The following RGS7 variants were observed in gnomAD, a reference collection of about 807,000 sequenced individuals.
RGS7 encodes the protein regulator of G-protein signaling 7.
A neutral mutation model predicts 81.1 loss-of-function variants in RGS7; 27 were observed. The observed-to-expected ratio is 0.33, with a 90% CI of 0.25 to 0.46. The LOEUF (loss-of-function observed/expected upper bound fraction) is 0.46. Among genes scored for constraint, RGS7 ranks in the 20% least tolerant of loss-of-function variants. RGS7 has a pLI of 1.00. For missense variants in RGS7, 396 were observed against 607.4 expected (o/e 0.65, Z 3.66); for synonymous variants, 208 against 207.7 (o/e 1.00, Z -0.01).
intron 2 of RGS7, among the ~76,000 whole-genome samples, chr1:241,231,174 G>C (rs534895348): frequency 6.6e-6 from 1 of 152,186 alleles, no homozygotes; most frequent in African/African-American, 2.4e-5. Flanking sequence ...TGTGAAACTG[G>C]GCAAGAGATG....
chr1:241,176,487 C>A, intron 2 of RGS7, among the ~76,000 whole-genome samples: 1 of 152,140 alleles, frequency 6.6e-6, no homozygotes, highest in Middle Eastern at 3.4e-3. Flanking sequence ...ACTCCCTCTA[C>A]ACTCATTTTA....
rs141482630 is a variant in RGS7, at chr1:240,976,350, A to G, written c.226+6729T>C. ...ATGGGGTGGACTGTCAACAGAAGACATTAGTGGTGGATGCTATGCTTCTTA... is the reference window on the plus strand; with the variant it reads ...ATGGGGTGGACTGTCAACAGAAGACGTTAGTGGTGGATGCTATGCTTCTTA... On this transcript the variant is annotated intron_variant, in intron 4 of 18. Coordinates refer to ENST00000440928, the MANE Select transcript of RGS7 (RefSeq NM_001364886.1). Among the ~76,000 whole-genome samples the G allele has an allele frequency of 8.5e-4, 130 of 152,304 alleles. 1 individual carries two copies. Among genetic ancestry groups the G allele is most frequent in the African/African-American group, 2.8e-3 (115 of 41,568 alleles).
chr1:240,907,836 G>T (rs892806371), intron 6 of RGS7, among the ~76,000 whole-genome samples: 1 of 152,100 alleles, frequency 6.6e-6, no homozygotes, highest in Non-Finnish European at 1.5e-5. Context: ...GAAACATGGC[G>T]TCTTGTCGGC....
chr1:240,781,605 CAACA>C (rs904052630), intron 18 of RGS7, among the ~76,000 whole-genome samples: 13 of 152,056 alleles, frequency 8.5e-5, no homozygotes, highest in Admixed American at 2.6e-4. Flanking sequence ...GACTCTGTCT[CAACA>C]AACAAACAAA....
At chr1:241,104,390 T>C (rs1241597867) in intron 2 of RGS7, among the ~76,000 whole-genome samples, 1 of 152,188 alleles carries the variant, frequency 6.6e-6, no homozygotes, top group Non-Finnish European at 1.5e-5. Context: ...ACTGAGTTCA[T>C]GTTGGCCCCT....
At chr1:241,087,985 TATATATATATACACACACACAC>T (rs1421853888) in intron 3 of RGS7, among the ~76,000 whole-genome samples, 3 of 99,166 alleles carry the variant, frequency 3.0e-5, no homozygotes, top group African/African-American at 1.2e-4. Flanking sequence ...TCTATATATA[TATATATATATACACACACACAC>T]ATATATATAT....
At chr1:240,862,243 G>A (rs1042326035) in intron 9 of RGS7, among the ~76,000 whole-genome samples, 5 of 151,874 alleles carry the variant, frequency 3.3e-5, no homozygotes, top group South Asian at 2.1e-4. Context: ...GTGTCAATCC[G>A]ACCTAAAAGT....
intron 3 of RGS7, among the ~76,000 whole-genome samples, chr1:241,003,293 C>T (rs1047286216): frequency 6.6e-6 from 1 of 151,942 alleles, no homozygotes; most frequent in Non-Finnish European, 1.5e-5. Context: ...AACCCTGTCT[C>T]TACTAAAAAT....
chr1:241,176,141 T>C (rs980241806), intron 2 of RGS7, among the ~76,000 whole-genome samples: 2 of 152,176 alleles, frequency 1.3e-5, no homozygotes, highest in African/African-American at 4.8e-5. Flanking sequence ...AGATGCAGCC[T>C]GCTCCCAGGT....
rs115260105 is a variant in RGS7, at chr1:240,971,452, T to C, written c.226+11627A>G. Among the ~76,000 whole-genome samples, 491 of 152,272 alleles carry C rather than the reference T, an allele frequency of 3.2e-3. 2 individuals carry two copies. The highest frequency in any genetic ancestry group is 0.011 in the African/African-American group (476 of 41,548). ...TGAAATGAATACACAAAGAAAACTA[T>C]AGTTCTTGCTCATCTCACATGAAAT... On this transcript the variant is annotated intron_variant, in intron 4 of 18. Transcript: ENST00000440928.
At chr1:241,337,262 A>T (rs2082295430) in intron 2 of RGS7, among the ~76,000 whole-genome samples, 1 of 152,078 alleles carries the variant, frequency 6.6e-6, no homozygotes, top group African/African-American at 2.4e-5. Context: ...TCCTTGTATC[A>T]TCCTTAGTTC....
At chr1:240,989,204 C>A (rs945463456) in intron 3 of RGS7, among the ~76,000 whole-genome samples, 10 of 151,746 alleles carry the variant, frequency 6.6e-5, no homozygotes, top group Admixed American at 2.0e-4. Context: ...TGTTGGGGGG[C>A]CGAGGCAGGT....
chr1:240,942,566 C>T (rs1677775496), intron 4 of RGS7, among the ~76,000 whole-genome samples: 1 of 151,922 alleles, frequency 6.6e-6, no homozygotes, highest in Non-Finnish European at 1.5e-5. Context: ...ATTTCCAACA[C>T]AGTATAAGTA....
At chr1:241,080,786 A>G (rs1483736416) in intron 3 of RGS7, among the ~76,000 whole-genome samples, 2 of 152,240 alleles carry the variant, frequency 1.3e-5, no homozygotes, top group Non-Finnish European at 2.9e-5. Context: ...TTTTAATTAC[A>G]TAGGCTAAGT....
intron 3 of RGS7, among the ~76,000 whole-genome samples, chr1:241,058,175 T>C (rs76733780): frequency 6.6e-6 from 1 of 152,280 alleles, no homozygotes; most frequent in East Asian, 1.9e-4. Context: ...AACATGTGCA[T>C]TAAGAGGCAA....
intron 2 of RGS7, among the ~76,000 whole-genome samples, chr1:241,103,152 T>C (rs2064880745): frequency 6.6e-6 from 1 of 152,184 alleles, no homozygotes; most frequent in African/African-American, 2.4e-5. Context: ...CCCATATATA[T>C]ATGTATGTGT....
Position 241,248,630 on chromosome 1 carries a change from T to C in RGS7, c.78+107069A>G, listed in dbSNP as rs73122028. Among the ~76,000 whole-genome samples, 303 of 152,090 alleles carry C rather than the reference T, an allele frequency of 2.0e-3. 2 individuals carry two copies. Among genetic ancestry groups the C allele is most frequent in the African/African-American group, 6.9e-3 (285 of 41,508 alleles). ...TATTTTTTTTAAAATTTCTTCTATC[T>C]CCTCCACTGCATTTTAAGCTACATC... On this transcript the variant is annotated intron_variant, in intron 2 of 18. Coordinates refer to ENST00000440928, the MANE Select transcript of RGS7 (RefSeq NM_001364886.1).
At chr1:240,983,326 G>A (rs1467913125) in intron 3 of RGS7, among the ~76,000 whole-genome samples, 197 bp from the exon 4 acceptor site, 1 of 151,992 alleles carries the variant, frequency 6.6e-6, no homozygotes, top group African/African-American at 2.4e-5. Flanking sequence ...AATAAACCAA[G>A]GTGTAAACTA....
chr1:241,220,973 G>GAAA (rs1174144481), intron 2 of RGS7, among the ~76,000 whole-genome samples: 4,504 of 72,628 alleles, frequency 0.062, 189 homozygotes, highest in East Asian at 0.12. Flanking sequence ...AAGGAAGGAA[G>GAAA]GAAGGAAGGA....
Sources: allele counts gnomAD v4.1 joint callset (sites outside exome capture counted in the v4.1 genomes callset), GRCh38; gene constraint gnomAD v4.1.1; transcripts MANE v1.5; gene names NCBI Gene and HGNC (gene_info 2026-07-23, HGNC 2026-07-21).